Variants in CEP72 observed in about 807,000 individuals in gnomAD.
CEP72 encodes centrosomal protein of 72 kDa.
Under a neutral mutation model 65.7 loss-of-function variants are expected in CEP72, and 78 were observed. The ratio of observed to expected loss-of-function variants is 1.19; its 90% CI spans 0.99 to 1.43. CEP72 has a LOEUF of 1.43. Among genes scored for constraint, CEP72 ranks in the 40% most tolerant of loss-of-function variants. CEP72 has a pLI of 0.00. For missense variants in CEP72, 914 were observed against 832.9 expected, an observed-to-expected ratio of 1.10 and a Z score of -1.20; for synonymous variants, 358 against 351.7, an observed-to-expected ratio of 1.02 and a Z score of -0.20.
chr5:640,839 G>C (rs989744536), intron 9 of CEP72: 3 of 985,310 alleles, frequency 3.0e-6, no homozygotes, highest in Admixed American at 6.1e-5. Context: ...TTCTCTCCCC[G>C]GGCCCAAGGG....
chr5:660,306 G>T (rs1278777007), downstream of CEP72: 1 of 151,898 alleles, frequency 6.6e-6, no homozygotes. Context: ...CTCTTAAGTT[G>T]TGCAGATTTC....
chr5:629,371 C>A (rs1467677046), intron 4 of CEP72, among the ~76,000 whole-genome samples: 1 of 152,284 alleles, frequency 6.6e-6, no homozygotes, highest in Admixed American at 6.5e-5. Flanking sequence ...TCTTCCAGAA[C>A]TTTAATTTTT....
At chr5:639,449 C>T (rs1485533009) in intron 8 of CEP72, among the ~76,000 whole-genome samples, 3 of 152,222 alleles carry the variant, frequency 2.0e-5, no homozygotes, top group Non-Finnish European at 4.4e-5. Context: ...GTGGGTCCCC[C>T]GCTGTGCTCT....
intron 8 of CEP72, among the ~76,000 whole-genome samples, chr5:639,475 C>G (rs1421367460): frequency 6.6e-6 from 1 of 152,226 alleles, no homozygotes; most frequent in Non-Finnish European, 1.5e-5. Flanking sequence ...GTTGGGGGGC[C>G]TGTCACCTCA....
At position 647,781 on chromosome 5, in the gene CEP72, CT is replaced by C. The variant is rs568985937; in HGVS notation, c.1667-14del. The C allele has an allele frequency of 7.5e-4, 1,034 of 1,375,162 alleles. No individual in the cohort carries two copies. Among genetic ancestry groups the C allele is most frequent in the Non-Finnish European group, 8.5e-4 (846 of 991,218 alleles). The allele number at this position is 1,375,162 out of a possible 1,614,324, so 85.2% of individuals were successfully genotyped here. A position where few individuals can be genotyped will look rare whatever the true frequency, so the allele number is the denominator to read the frequency against. ...TAATGAGTTTTACTCATTAATGGTA[CT>C]TTTTTTTTTCTTTCTCTTTCAGGAC... On this transcript the variant is annotated intron_variant, in intron 10 of 11. Coordinates refer to ENST00000264935, the MANE Select transcript of CEP72 (RefSeq NM_018140.4).
chr5:669,722 C>T (rs534310498), downstream of CEP72, among the ~76,000 whole-genome samples: 6 of 152,162 alleles, frequency 3.9e-5, no homozygotes, highest in East Asian at 5.9e-4. Context: ...ACCTGCTCTG[C>T]GCGCTCCCCG....
At chr5:612,677 C>T (rs539557356) in intron 1 of CEP72, 4 of 896,380 alleles carry the variant, frequency 4.5e-6, no homozygotes, top group Middle Eastern at 5.7e-4. Context: ...CCCTGCCTGT[C>T]TATCGGGTCA....
Position 640,569 on chromosome 5 carries a change from G to T in CEP72, c.1504G>T (p.Val502Leu), listed in dbSNP as rs780263795. ...GCAGCACGCCCGGGAGATGAGCGAG[G>T]TGACGGCGGAGCTGCACCACACACA... Reference protein sequence around the residue: ...QQQHAREMSEVTAELHHTHKE... With the variant: ...QQQHAREMSELTAELHHTHKE... The change falls in exon 9 of 12, where the codon GTG (valine) becomes TTG (leucine). Residue 502 changes from valine to leucine, a missense_variant. Physicochemically the swap from Val to Leu is conservative, Grantham distance 32 (BLOSUM62 1). Coordinates refer to ENST00000264935, the MANE Select transcript of CEP72 (RefSeq NM_018140.4). 1.3e-5 allele frequency: 21 copies of T among 1,613,784 alleles called. No individual in the cohort carries two copies. The highest frequency in any genetic ancestry group is 4.4e-5 in the South Asian group (4 of 91,080).
chr5:668,605 A>G (rs540813608), downstream of CEP72, among the ~76,000 whole-genome samples: 60 of 152,306 alleles, frequency 3.9e-4, 1 homozygote, highest in Non-Finnish European at 3.8e-4. Context: ...CCTCGTCCAC[A>G]CCCGGCCGAG....
intron 1 of CEP72, among the ~76,000 whole-genome samples, chr5:617,883 C>A (rs1453266975): frequency 1.3e-5 from 2 of 152,174 alleles, no homozygotes; most frequent in Non-Finnish European, 2.9e-5. Flanking sequence ...AACAAAAAAA[C>A]CAAAACATAT....
In CEP72 at chr5:624,068, C is replaced by G. The variant is rs1736573903; in HGVS notation, c.404-403C>G. Among the ~76,000 whole-genome samples, 1 of 152,156 alleles carries G rather than the reference C, an allele frequency of 6.6e-6. No individual in the cohort carries two copies. The highest frequency in any genetic ancestry group is 2.1e-4 in the South Asian group (1 of 4,836). ...GTACGCACGTCCCTGAGGCCCAGCC[C>G]TAAGCACAGACCCAAAAGGCCTCCT... is the stretch of plus-strand genomic sequence containing the variant. On this transcript the variant is annotated intron_variant, in intron 3 of 11. Transcript: ENST00000264935. This position sits in a 1 kb window ranked among gnomAD's most constrained non-coding sequence, Gnocchi z 4.7.
At chr5:671,719 C>T (rs964940946), downstream of CEP72, among the ~76,000 whole-genome samples, 3 of 152,264 alleles carry the variant, frequency 2.0e-5, no homozygotes, top group African/African-American at 7.2e-5. Flanking sequence ...GCAGGGGCTC[C>T]ACTCTGCGGA....
chr5:637,498 C>A lies in CEP72; in HGVS notation c.905-19C>A, dbSNP rs1171540883. 1 of 1,600,678 alleles carries A rather than the reference C, an allele frequency of 6.2e-7. No homozygotes were observed. Among genetic ancestry groups the A allele is most frequent in the East Asian group, 2.2e-5 (1 of 44,688 alleles). On this transcript the variant is annotated intron_variant, in intron 6 of 11. Transcript: ENST00000264935. ...AGAGAATTTGGCCTGACGTGCGCCCCATCCTCTCTATATCTCAGACTCCAT... is the reference window on the plus strand; with the variant it reads ...AGAGAATTTGGCCTGACGTGCGCCCAATCCTCTCTATATCTCAGACTCCAT...
rs1008966076 is a variant in CEP72, at chr5:612,382, G to T, written c.21G>T (p.Arg7=). The T allele has an allele frequency of 6.7e-7, 1 of 1,491,812 alleles. No homozygotes were observed. 92.4% of individuals were successfully genotyped at this position (1,491,812 alleles called of 1,614,324 possible). A position where few individuals can be genotyped will look rare whatever the true frequency, so the allele number is the denominator to read the frequency against. MARAGP[R]LVLSEEAVRA... is the part of the protein sequence containing the mutation. ...GAAACATGGCGCGGGCTGGCCCTCGGCTGGTGCTGAGCGAGGAGGCGGTTC... is the reference window on the plus strand; with the variant it reads ...GAAACATGGCGCGGGCTGGCCCTCGTCTGGTGCTGAGCGAGGAGGCGGTTC... The change falls in exon 1 of 12, where the codon CGG becomes CGT. Residue 7 remains arginine (R), a synonymous_variant. Coordinates refer to ENST00000264935, the MANE Select transcript of CEP72 (RefSeq NM_018140.4).
At chr5:671,874 G>A (rs1259489654), downstream of CEP72, among the ~76,000 whole-genome samples, 1 of 152,224 alleles carries the variant, frequency 6.6e-6, no homozygotes, top group Non-Finnish European at 1.5e-5. Flanking sequence ...GGTGTGGGGA[G>A]TGCAGCCCAC....
chr5:668,448 G>GCCGTCAGGGAAGTGCC (rs1740041836), downstream of CEP72, among the ~76,000 whole-genome samples: 2 of 105,230 alleles, frequency 1.9e-5, 1 homozygote, highest in African/African-American at 8.3e-5. Context: ...AGGGAAGTGC[G>GCCGTCAGGGAAGTGCC]GACAAGCACA....
the CEP72 span, chr5:676,269 G>C: frequency 0.014 from 2,154 of 152,378 alleles, 23 homozygotes; most frequent in Middle Eastern, 0.034. Context: ...GAACATGCAC[G>C]ACCCAGGAGA....
intron 11 of CEP72, among the ~76,000 whole-genome samples, chr5:651,496 G>A (rs1447455564): frequency 2.0e-5 from 3 of 151,972 alleles, no homozygotes; most frequent in African/African-American, 7.3e-5. Context: ...GTTCCCCTGG[G>A]CGGTAGTCCG....
At chr5:654,641 G>T (rs1490821592), downstream of CEP72, among the ~76,000 whole-genome samples, 1 of 152,172 alleles carries the variant, frequency 6.6e-6, no homozygotes, top group African/African-American at 2.4e-5. Flanking sequence ...GTTGGGATGG[G>T]GTTAATTTGT....
Sources: gnomAD v4.1 joint callset for allele counts (sites outside exome capture counted in the v4.1 genomes callset) on GRCh38, gnomAD v4.1.1 for gene constraint, Gnocchi (gnomAD v3.1) non-coding constraint, MANE v1.5 for transcripts, NCBI Gene and HGNC (gene_info 2026-07-23, HGNC 2026-07-21) for gene names.